Variants in CACNA1A observed in about 807,000 individuals in gnomAD.
CACNA1A encodes the protein voltage-dependent P/Q-type calcium channel subunit alpha-1A.
Under a neutral mutation model 262.4 loss-of-function variants are expected in CACNA1A, and 57 were observed. The ratio of observed to expected loss-of-function variants is 0.22; its 90% CI spans 0.18 to 0.27. The LOEUF is 0.27. Ranked by LOEUF, CACNA1A falls within the 10% of genes least tolerant of loss-of-function variation. The pLI is 1.00. For missense variants in CACNA1A, 2,526 were observed against 3,562.8 expected, an observed-to-expected ratio of 0.71 and a Z score of 7.41; for synonymous variants, 1,431 against 1,419.3, an observed-to-expected ratio of 1.01 and a Z score of -0.18.
At chr19:13,495,757 C>T (rs1599376858) in intron 1 of CACNA1A, among the ~76,000 whole-genome samples, 1 of 152,170 alleles carries the variant, frequency 6.6e-6, no homozygotes, top group East Asian at 1.9e-4. Flanking sequence ...ATCCACCCAC[C>T]CATTCAACCA....
At chr19:13,300,463 C>T in intron 18 of CACNA1A, 87 bp downstream of exon 18, 1 of 896,620 alleles carries the variant, frequency 1.1e-6, no homozygotes. Flanking sequence ...CTGTCAAGGA[C>T]CACCCCCACT....
chr19:13,208,729 C>A, intron 46 of CACNA1A, 27 bp downstream of exon 46: 1 of 1,556,596 alleles, frequency 6.4e-7, no homozygotes, highest in Non-Finnish European at 8.6e-7. Context: ...CCGAGCCCAG[C>A]CTGGGGTCAC....
chr19:13,501,019 G>T (rs1982313383), intron 1 of CACNA1A, among the ~76,000 whole-genome samples: 1 of 152,146 alleles, frequency 6.6e-6, no homozygotes, highest in African/African-American at 2.4e-5. Flanking sequence ...GGTTGAAGGG[G>T]CTGGAGAAGT....
intron 38 of CACNA1A, 34 bp downstream of exon 38, chr19:13,224,633 C>G: frequency 6.8e-7 from 1 of 1,467,540 alleles, no homozygotes; most frequent in Admixed American, 1.9e-5. Flanking sequence ...CACCCTGTCA[C>G]GCCTGTCTGT....
intron 3 of CACNA1A, among the ~76,000 whole-genome samples, chr19:13,443,910 C>A (rs1357562729): frequency 6.6e-6 from 1 of 152,150 alleles, no homozygotes; most frequent in East Asian, 1.9e-4. Context: ...TGTACAAAGG[C>A]TAGCGAGGCT....
chr19:13,501,195 C>CT (rs1207852907), intron 1 of CACNA1A, among the ~76,000 whole-genome samples: 7 of 84,946 alleles, frequency 8.2e-5, no homozygotes, highest in South Asian at 4.8e-4. Flanking sequence ...ATCAATAAAT[C>CT]TATTTTTTTT....
At chr19:13,304,396 AG>A (rs939591444) in intron 15 of CACNA1A, among the ~76,000 whole-genome samples, 1 of 152,028 alleles carries the variant, frequency 6.6e-6, no homozygotes, top group African/African-American at 2.4e-5. Context: ...TGGGAGGCCA[AG>A]GTGGGAGGAT....
chr19:13,232,270 C>T (rs985960301), intron 34 of CACNA1A, among the ~76,000 whole-genome samples: 4 of 150,818 alleles, frequency 2.7e-5, no homozygotes, highest in African/African-American at 4.9e-5. Context: ...AATCACTGCT[C>T]ACTGCAGCCT....
chr19:13,499,451 G>C (rs1044444609), intron 1 of CACNA1A, among the ~76,000 whole-genome samples: 2 of 113,984 alleles, frequency 1.8e-5, no homozygotes, highest in African/African-American at 3.3e-5. Context: ...AGGGGGTGGT[G>C]GGGGGGGGCA....
At chr19:13,277,335 G>T (rs570735131) in intron 22 of CACNA1A, 74 of 495,894 alleles carry the variant, frequency 1.5e-4, no homozygotes, top group African/African-American at 9.5e-4. Context: ...GAATGAAATT[G>T]TCCAGCAGAT....
chr19:13,293,897 C>A (rs1394182367), intron 19 of CACNA1A, among the ~76,000 whole-genome samples: 1 of 152,030 alleles, frequency 6.6e-6, no homozygotes, highest in African/African-American at 2.4e-5. Flanking sequence ...TGACTGCCTG[C>A]CCCAAAGTCC....
At chr19:13,392,030 CAAAA>C (rs137905773) in intron 3 of CACNA1A, among the ~76,000 whole-genome samples, 3 of 84,720 alleles carry the variant, frequency 3.5e-5, no homozygotes, top group Non-Finnish European at 4.5e-5. Context: ...GACCATGTCT[CAAAA>C]AAAAAAAAAA....
chr19:13,439,686 C>T (rs897447031), intron 3 of CACNA1A, among the ~76,000 whole-genome samples: 4 of 152,078 alleles, frequency 2.6e-5, no homozygotes, highest in African/African-American at 9.7e-5. Flanking sequence ...GCTGGGATTA[C>T]AGGCGTGGGC....
At chr19:13,334,581 GTGTGTGTGTGTT>G (rs2145134071) in intron 7 of CACNA1A, 88 bp from the exon 8 acceptor site, 1 of 671,294 alleles carries the variant, frequency 1.5e-6, no homozygotes, top group Non-Finnish European at 2.6e-6. Context: ...GTGTGTGTGT[GTGTGTGTGTGTT>G]TGTGTGTGTG....
chr19:13,389,078 T>A (rs2144642023), intron 3 of CACNA1A, among the ~76,000 whole-genome samples: 1 of 152,176 alleles, frequency 6.6e-6, no homozygotes, highest in Admixed American at 6.5e-5. Context: ...AATTTTTGTA[T>A]CTTTAATAGA....
chr19:13,352,999 C>T (rs2058943420), intron 6 of CACNA1A, among the ~76,000 whole-genome samples: 1 of 151,962 alleles, frequency 6.6e-6, no homozygotes, highest in African/African-American at 2.4e-5. Context: ...TCTCAAACTC[C>T]TGACCTCAGG....
At chr19:13,301,213 C>T (rs2057782159) in intron 17 of CACNA1A, among the ~76,000 whole-genome samples, 1 of 151,812 alleles carries the variant, frequency 6.6e-6, no homozygotes, top group South Asian at 2.1e-4. Flanking sequence ...ATTTCGGCCT[C>T]CCAAAGTGCT....
chr19:13,322,048 A>G (rs2058265569), intron 10 of CACNA1A, among the ~76,000 whole-genome samples: 1 of 152,038 alleles, frequency 6.6e-6, no homozygotes, highest in Non-Finnish European at 1.5e-5. Context: ...CTAAAAATAC[A>G]AAAATTAGCC....
intron 31 of CACNA1A, chr19:13,244,086 G>C (rs2056161506): frequency 6.6e-6 from 1 of 152,284 alleles, no homozygotes; most frequent in South Asian, 2.1e-4. Context: ...CCTGGTCTCT[G>C]TCTCTCCACA....
Sources: allele counts gnomAD v4.1 joint callset (sites outside exome capture counted in the v4.1 genomes callset), GRCh38; gene constraint gnomAD v4.1.1; transcripts MANE v1.5; gene names NCBI Gene and HGNC (gene_info 2026-07-23, HGNC 2026-07-21).